KLF8: variants seen among roughly 807,000 people sequenced by gnomAD.
KLF8 encodes the protein Krueppel-like factor 8.
KLF8 carries 10 observed loss-of-function variants against 18.2 expected under a neutral mutation model. The ratio of observed to expected loss-of-function variants is 0.55; its 90% CI spans 0.34 to 0.93. KLF8 has a LOEUF of 0.93. Among genes scored for constraint, KLF8 ranks in the 40% least tolerant of loss-of-function variants. The probability of loss-of-function intolerance (pLI) is 0.02; values close to 1 mark genes in which losing one functional copy is unlikely to be tolerated. For missense variants in KLF8, 264 were observed against 277.9 expected (o/e 0.95, Z 0.36); for synonymous variants, 109 against 97.3 (o/e 1.12, Z -0.71).
At chrX:55,982,601 G>T in the KLF8 span, among the ~76,000 whole-genome samples, 63 of 111,692 alleles carry the variant, frequency 5.6e-4, no homozygotes, top group Non-Finnish European at 1.0e-3. Context: ...AAAATTGGGG[G>T]TTCTGGGGTT....
chrX:56,012,819 AACT>A, the KLF8 span, among the ~76,000 whole-genome samples: 1 of 111,922 alleles, frequency 8.9e-6, no homozygotes, highest in South Asian at 3.8e-4. Context: ...ATTCCCATTT[AACT>A]ACTATTGTCA....
the KLF8 span, among the ~76,000 whole-genome samples, chrX:56,120,717 G>C: frequency 2.7e-5 from 3 of 111,291 alleles, no homozygotes; most frequent in African/African-American, 9.8e-5. Flanking sequence ...GAAGGTGAGA[G>C]AAAAAGAGAA....
chrX:56,166,828 C>A, the KLF8 span, among the ~76,000 whole-genome samples: 1 of 111,421 alleles, frequency 9.0e-6, no homozygotes, highest in Non-Finnish European at 1.9e-5. Flanking sequence ...CATTTGTTAG[C>A]AGGCTGGGTT....
the KLF8 span, among the ~76,000 whole-genome samples, chrX:56,035,001 C>T: frequency 5.9e-4 from 65 of 109,927 alleles, no homozygotes; most frequent in Non-Finnish European, 8.9e-4. Context: ...GTGATCCGCC[C>T]GCCTCGGCCT....
At chrX:56,240,647 T>G (rs1361964170) in intron 1 of KLF8, among the ~76,000 whole-genome samples, 3 of 111,349 alleles carry the variant, frequency 2.7e-5, no homozygotes, top group African/African-American at 9.8e-5. Context: ...TAGAGTTTGC[T>G]GCAAAGATAT....
chrX:55,992,744 T>C, the KLF8 span, among the ~76,000 whole-genome samples: 2 of 112,266 alleles, frequency 1.8e-5, no homozygotes, highest in African/African-American at 6.5e-5. Flanking sequence ...GGAATGTTTT[T>C]CCAGTTGTTT....
the KLF8 span, among the ~76,000 whole-genome samples, chrX:56,225,952 G>T: frequency 1.1e-4 from 12 of 112,602 alleles, no homozygotes; most frequent in Admixed American, 9.4e-4. Context: ...GGAGCTGACA[G>T]TCAAATGGAT....
In KLF8 at chrX:56,287,145, C is replaced by A. The variant is rs1256344693; in HGVS notation, c.*2651C>A. The A allele has an allele frequency of 1.8e-5, 2 of 111,578 alleles. No homozygotes were observed. The highest frequency in any genetic ancestry group is 3.8e-5 in the Non-Finnish European group (2 of 53,102). The allele number at this position is 111,578 out of a possible 1,213,427, so 9.2% of individuals were successfully genotyped here. On this transcript the variant is annotated 3_prime_UTR_variant, in exon 6 of 6. Transcript: ENST00000468660. The stretch of plus-strand genomic sequence containing the variant: ...AAATTAGGATCCCAAATATTGGGGT[C>A]CCTGACATCTGAGCCTTTATCTAAA...
At chrX:56,191,129 T>TA in the KLF8 span, among the ~76,000 whole-genome samples, 5 of 111,698 alleles carry the variant, frequency 4.5e-5, no homozygotes, top group Non-Finnish European at 7.5e-5. Context: ...AAGGAGATGT[T>TA]ATAAATGATA....
chrX:56,202,559 T>TCCCCCCCCC, the KLF8 span, among the ~76,000 whole-genome samples: 21 of 75,782 alleles, frequency 2.8e-4, no homozygotes, highest in Non-Finnish European at 3.7e-4. Context: ...CCATTAACCT[T>TCCCCCCCCC]CCCCCCCCCT....
the KLF8 span, among the ~76,000 whole-genome samples, chrX:56,188,258 C>A: frequency 9.0e-6 from 1 of 111,418 alleles, no homozygotes; most frequent in African/African-American, 3.3e-5. Flanking sequence ...CATGAGTGAA[C>A]TCCCATTCAC....
chrX:55,972,087 C>G, the KLF8 span, among the ~76,000 whole-genome samples: 1 of 111,521 alleles, frequency 9.0e-6, no homozygotes, highest in African/African-American at 3.3e-5. Flanking sequence ...GATATCTGCA[C>G]TCTCATGTTT....
chrX:56,200,759 C>T, the KLF8 span, among the ~76,000 whole-genome samples: 72 of 111,152 alleles, frequency 6.5e-4, 1 homozygote, highest in Non-Finnish European at 3.0e-4. Context: ...GCCTACAACT[C>T]AACAGCAAAA....
At chrX:56,029,605 C>A in the KLF8 span, among the ~76,000 whole-genome samples, 1 of 112,118 alleles carries the variant, frequency 8.9e-6, no homozygotes, top group South Asian at 3.7e-4. Flanking sequence ...TGAGCTCGAT[C>A]CCCTTCAGTC....
At chrX:56,256,054 T>G (rs2066790300) in intron 2 of KLF8, among the ~76,000 whole-genome samples, 1 of 111,667 alleles carries the variant, frequency 9.0e-6, no homozygotes, top group African/African-American at 3.3e-5. Flanking sequence ...ATGGCTTCAA[T>G]CTCATTACTT....
the KLF8 span, among the ~76,000 whole-genome samples, chrX:55,942,960 G>A: frequency 5.4e-5 from 6 of 111,538 alleles, no homozygotes; most frequent in Non-Finnish European, 9.4e-5. Context: ...TGACCTGTCC[G>A]GAGACTGTGG....
chrX:56,123,376 A>G, the KLF8 span, among the ~76,000 whole-genome samples: 1 of 111,935 alleles, frequency 8.9e-6, no homozygotes, highest in African/African-American at 3.2e-5. Context: ...GAAAGTCTCA[A>G]TTCTGGGCAC....
chrX:56,023,989 C>G, the KLF8 span, among the ~76,000 whole-genome samples: 1 of 111,243 alleles, frequency 9.0e-6, no homozygotes, highest in African/African-American at 3.3e-5. Context: ...AATAGTCATA[C>G]AAGTAGAATT....
the KLF8 span, among the ~76,000 whole-genome samples, chrX:56,063,110 A>G: frequency 9.0e-6 from 1 of 111,132 alleles, no homozygotes; most frequent in South Asian, 3.8e-4. Flanking sequence ...GAGTTAGAAC[A>G]TGCTCCTTTA....
Sources: gnomAD v4.1 joint callset for allele counts (sites outside exome capture counted in the v4.1 genomes callset) on GRCh38, gnomAD v4.1.1 for gene constraint, MANE v1.5 for transcripts, NCBI Gene and HGNC (gene_info 2026-07-23, HGNC 2026-07-21) for gene names.